SYCP1: variants seen among roughly 807,000 people sequenced by gnomAD.
SYCP1 encodes the protein cancer/testis antigen 8.
A neutral mutation model predicts 153.1 loss-of-function variants in SYCP1; 64 were observed. That is an observed-to-expected ratio of 0.42 (90% CI 0.34 to 0.51). The LOEUF is 0.51. Among genes scored for constraint, SYCP1 ranks in the 20% least tolerant of loss-of-function variants. The pLI is 0.06. For missense variants in SYCP1, 997 were observed against 1,049.0 expected (o/e 0.95, Z 0.68); for synonymous variants, 384 against 341.8 (o/e 1.12, Z -1.36).
chr1:114,858,227 AGATTTATAGATTTCTTATAGGAT>A (rs1664144399), intron 5 of SYCP1, among the ~76,000 whole-genome samples: 2 of 152,110 alleles, frequency 1.3e-5, no homozygotes. Context: ...ACCATTGTTA[AGATTTATAGATTTCTTATAGGAT>A]GATTTATTTT....
intron 8 of SYCP1, among the ~76,000 whole-genome samples, chr1:114,866,393 A>G (rs747755280): frequency 5.9e-5 from 9 of 152,070 alleles, no homozygotes; most frequent in Non-Finnish European, 1.0e-4. Context: ...GTATGTATTG[A>G]TATCTCTTTG....
chr1:114,986,777 G>A (rs527725147), intron 30 of SYCP1, among the ~76,000 whole-genome samples: 1 of 152,148 alleles, frequency 6.6e-6, no homozygotes, highest in East Asian at 1.9e-4. Flanking sequence ...TATACTGGCA[G>A]AAACTGTCTG....
intron 12 of SYCP1, among the ~76,000 whole-genome samples, chr1:114,882,974 T>C (rs1359198606): frequency 6.6e-6 from 1 of 152,234 alleles, no homozygotes; most frequent in African/African-American, 2.4e-5. Context: ...GGTTTTCATA[T>C]ATCTTAAATT....
chr1:114,921,510 C>T (rs1453848037), intron 20 of SYCP1, among the ~76,000 whole-genome samples: 1 of 151,956 alleles, frequency 6.6e-6, no homozygotes, highest in Non-Finnish European at 1.5e-5. Flanking sequence ...GAAACCCTGT[C>T]TCTACTAAAA....
At chr1:114,985,869 G>A (rs1420042993) in intron 30 of SYCP1, among the ~76,000 whole-genome samples, 2 of 148,318 alleles carry the variant, frequency 1.3e-5, no homozygotes, top group East Asian at 2.0e-4. Context: ...GTATTCACAG[G>A]TTCTACATCT....
At chr1:114,955,838 C>G (rs1671400279) in intron 27 of SYCP1, among the ~76,000 whole-genome samples, 2 of 152,168 alleles carry the variant, frequency 1.3e-5, no homozygotes, top group African/African-American at 2.4e-5. Context: ...CTCCCAGGTT[C>G]AAGCCCAGGA....
chr1:114,947,463 T>C (rs1370285088), intron 27 of SYCP1, 143 bp downstream of exon 27: 2 of 600,934 alleles, frequency 3.3e-6, no homozygotes, highest in Non-Finnish European at 5.7e-6. Flanking sequence ...AGCTTTTTTC[T>C]AGAAACATTT....
intron 12 of SYCP1, 126 bp from the exon 13 acceptor site, chr1:114,885,409 C>T (rs1666224827): frequency 1.8e-6 from 1 of 545,782 alleles, no homozygotes; most frequent in Admixed American, 4.2e-5. Flanking sequence ...TCTATATTTG[C>T]ATATTTTCTT....
intron 29 of SYCP1, among the ~76,000 whole-genome samples, chr1:114,984,125 T>G (rs1462957068): frequency 6.6e-6 from 1 of 151,934 alleles, no homozygotes; most frequent in Non-Finnish European, 1.5e-5. Flanking sequence ...TCAGTCTAGT[T>G]TTGAACTGGC....
intron 12 of SYCP1, among the ~76,000 whole-genome samples, chr1:114,880,652 G>A (rs1665859696): frequency 1.3e-5 from 2 of 152,172 alleles, no homozygotes; most frequent in Non-Finnish European, 2.9e-5. Context: ...TTAGCAACAG[G>A]CCTCTGCCTG....
intron 23 of SYCP1, 78 bp downstream of exon 23, chr1:114,926,641 T>A: frequency 8.0e-7 from 1 of 1,248,476 alleles, no homozygotes; most frequent in South Asian, 1.5e-5. Context: ...CACTTGTTTA[T>A]ACAGTATAAA....
chr1:114,926,637 T>A, intron 23 of SYCP1, 74 bp downstream of exon 23: 1 of 1,267,218 alleles, frequency 7.9e-7, no homozygotes, highest in Non-Finnish European at 1.1e-6. Context: ...ATTCCACTTG[T>A]TTATACAGTA....
intron 23 of SYCP1, among the ~76,000 whole-genome samples, chr1:114,932,173 G>A (rs954070034): frequency 1.3e-5 from 2 of 152,108 alleles, no homozygotes; most frequent in African/African-American, 4.8e-5. Flanking sequence ...GGCAAAGAAA[G>A]CAATATTCTT....
At chr1:114,865,142 T>A (rs1338168207) in intron 8 of SYCP1, among the ~76,000 whole-genome samples, 2 of 152,216 alleles carry the variant, frequency 1.3e-5, no homozygotes, top group Non-Finnish European at 2.9e-5. Flanking sequence ...AAAGCTCTAC[T>A]TTTTATCTGT....
intron 16 of SYCP1, among the ~76,000 whole-genome samples, chr1:114,909,217 G>T (rs1244684609): frequency 6.6e-6 from 1 of 152,028 alleles, no homozygotes; most frequent in Non-Finnish European, 1.5e-5. Flanking sequence ...GCAGCTGGTT[G>T]TGGGTCCCAG....
intron 8 of SYCP1, among the ~76,000 whole-genome samples, chr1:114,871,248 A>G (rs1171516622): frequency 6.6e-6 from 1 of 151,206 alleles, no homozygotes; most frequent in African/African-American, 2.4e-5. Flanking sequence ...GTTCACCACA[A>G]CCTCCACCTT....
At chr1:114,928,248 T>C (rs918392284) in intron 23 of SYCP1, among the ~76,000 whole-genome samples, 14 of 152,108 alleles carry the variant, frequency 9.2e-5, no homozygotes, top group African/African-American at 2.9e-4. Context: ...AGTCATATCT[T>C]AGTCAAAGTG....
At chr1:114,920,131 C>A (rs1156484318) in intron 20 of SYCP1, among the ~76,000 whole-genome samples, 1 of 151,788 alleles carries the variant, frequency 6.6e-6, no homozygotes, top group Non-Finnish European at 1.5e-5. Context: ...ACAAACACAC[C>A]TCTTAATACT....
intron 30 of SYCP1, among the ~76,000 whole-genome samples, chr1:114,988,419 G>A (rs1054982917): frequency 1.3e-5 from 2 of 151,880 alleles, no homozygotes; most frequent in African/African-American, 4.8e-5. Context: ...CAAGAGAGAT[G>A]CAACTCATTA....
Sources: gnomAD v4.1 joint callset for allele counts (sites outside exome capture counted in the v4.1 genomes callset) on GRCh38, gnomAD v4.1.1 for gene constraint, MANE v1.5 for transcripts, NCBI Gene and HGNC (gene_info 2026-07-23, HGNC 2026-07-21) for gene names.